CELF2: variants seen among roughly 807,000 people sequenced by gnomAD.
CELF2 encodes CUG triplet repeat RNA-binding protein 2.
A neutral mutation model predicts 62.6 loss-of-function variants in CELF2; 8 were observed. The ratio of observed to expected loss-of-function variants is 0.13; its 90% CI spans 0.07 to 0.23. The LOEUF (loss-of-function observed/expected upper bound fraction) is 0.23, where lower values mean the gene tolerates loss of function less well. Ranked by LOEUF, CELF2 falls within the 10% of genes least tolerant of loss-of-function variation. The pLI is 1.00. For missense variants in CELF2, 333 were observed against 671.0 expected, an observed-to-expected ratio of 0.50 and a Z score of 5.56; for synonymous variants, 258 against 250.0, an observed-to-expected ratio of 1.03 and a Z score of -0.30.
chr10:11,035,889 A>G (rs931645095), intron 1 of CELF2, among the ~76,000 whole-genome samples: 20 of 152,236 alleles, frequency 1.3e-4, no homozygotes, highest in African/African-American at 4.8e-4. Context: ...TATTGCCTGC[A>G]TTAATATACC....
chr10:10,686,060 T>C, the CELF2 span, among the ~76,000 whole-genome samples: 2 of 152,114 alleles, frequency 1.3e-5, no homozygotes, highest in Non-Finnish European at 2.9e-5. Flanking sequence ...TGCTGCTTAA[T>C]GTGACAGGAC....
At chr10:10,553,681 A>T in the CELF2 span, among the ~76,000 whole-genome samples, 6 of 152,152 alleles carry the variant, frequency 3.9e-5, no homozygotes, top group South Asian at 2.1e-4. Flanking sequence ...TGCAGAAGTG[A>T]TGACTGAGCC....
At chr10:10,521,107 A>G in the CELF2 span, among the ~76,000 whole-genome samples, 1 of 152,364 alleles carries the variant, frequency 6.6e-6, no homozygotes, top group East Asian at 1.9e-4. Flanking sequence ...AGGAAACAGA[A>G]GGTGGCTCGA....
chr10:10,753,299 C>CTGTGTG, the CELF2 span, among the ~76,000 whole-genome samples: 4,787 of 149,846 alleles, frequency 0.032, 183 homozygotes, highest in African/African-American at 0.094. Flanking sequence ...TTCCAAAGCT[C>CTGTGTG]TGTGTGTGTG....
chr10:10,780,514 C>T, the CELF2 span, among the ~76,000 whole-genome samples: 1 of 152,098 alleles, frequency 6.6e-6, no homozygotes, highest in Non-Finnish European at 1.5e-5. Flanking sequence ...TGGAGTCTCG[C>T]TCTGTTGCCT....
chr10:10,952,388 G>A lies in CELF2; in HGVS notation c.89+32389G>A, dbSNP rs554983741. Among the ~76,000 whole-genome samples the A allele has an allele frequency of 1.8e-3, 279 of 152,282 alleles. 11 individuals are homozygous for A. Among genetic ancestry groups the A allele is most frequent in the South Asian group, 8.3e-4 (4 of 4,832 alleles). ...AACCCCAAAGATAGGAGCTACAGTC[G>A]TGCATGGCTTCAGGGCTGGAGCCTC... On this transcript the variant is annotated intron_variant, in intron 2 of 13. Transcript: ENST00000636488.
chr10:10,636,065 A>G, the CELF2 span, among the ~76,000 whole-genome samples: 13 of 152,232 alleles, frequency 8.5e-5, no homozygotes, highest in East Asian at 3.8e-4. Flanking sequence ...AATATATCAA[A>G]TAACTTAAGG....
chr10:10,896,388 G>A (rs2062557431), intron 1 of CELF2, among the ~76,000 whole-genome samples: 1 of 152,146 alleles, frequency 6.6e-6, no homozygotes, highest in Admixed American at 6.5e-5. Context: ...GATAAAAAAA[G>A]ATACACCATG....
chr10:10,657,284 T>C, the CELF2 span, among the ~76,000 whole-genome samples: 2 of 152,222 alleles, frequency 1.3e-5, no homozygotes, highest in African/African-American at 4.8e-5. Context: ...AGAGTAATTG[T>C]TGCTGGGTGC....
chr10:11,283,961 T>TGGTAAGTGGATGATGGATGGAGG (rs2090051948), intron 8 of CELF2, among the ~76,000 whole-genome samples: 2 of 136,266 alleles, frequency 1.5e-5, no homozygotes, highest in African/African-American at 2.9e-5. Flanking sequence ...GATGAGTGTG[T>TGGTAAGTGGATGATGGATGGAGG]GGTGGGTGGA....
rs2074103480 is a variant in CELF2, at chr10:11,242,129, G to A, written c.355-7024G>A. Among the ~76,000 whole-genome samples, 1 of 152,150 alleles carries A rather than the reference G, an allele frequency of 6.6e-6. No homozygotes were observed. Among genetic ancestry groups the A allele is most frequent in the Non-Finnish European group, 1.5e-5 (1 of 68,034 alleles). On this transcript the variant is annotated intron_variant, in intron 3 of 12. Transcript: ENST00000633077. This position sits in a 1 kb window ranked among gnomAD's most constrained non-coding sequence, Gnocchi z 4.8. The stretch of plus-strand genomic sequence containing the variant: ...TCTACTTTTAAATATTTTATGGGCA[G>A]TAAGCTCACAATATGTGCTAGCACG...
chr10:11,280,147 A>G lies in CELF2; in HGVS notation c.841+5027A>G, dbSNP rs1299315051. Among the ~76,000 whole-genome samples, 8 of 152,118 alleles carry G rather than the reference A, an allele frequency of 5.3e-5. No homozygotes were observed. Among genetic ancestry groups the G allele is most frequent in the Admixed American group, 1.3e-4 (2 of 15,278 alleles). The stretch of plus-strand genomic sequence containing the variant: ...CCTGGGAGAGGGGCTGAGATGGGGA[A>G]AGGACGGGGCACCCACATACCTCAG... On this transcript the variant is annotated intron_variant, in intron 8 of 12. Coordinates refer to ENST00000633077, the MANE Select transcript of CELF2 (RefSeq NM_001326342.2). This position sits in a 1 kb window ranked among gnomAD's most constrained non-coding sequence, Gnocchi z 7.6.
intron 1 of CELF2, among the ~76,000 whole-genome samples, chr10:10,897,494 G>C (rs2062642890): frequency 6.6e-6 from 1 of 152,140 alleles, no homozygotes; most frequent in South Asian, 2.1e-4. Context: ...ATTAAACAAA[G>C]AAGGATGAGT....
the CELF2 span, among the ~76,000 whole-genome samples, chr10:10,543,854 C>A: frequency 6.6e-6 from 1 of 152,176 alleles, no homozygotes; most frequent in Non-Finnish European, 1.5e-5. Flanking sequence ...TACCATCTTG[C>A]ATTGACTCTG....
chr10:11,219,909 A>C (rs968216814), intron 3 of CELF2, among the ~76,000 whole-genome samples: 4 of 152,262 alleles, frequency 2.6e-5, no homozygotes, highest in Non-Finnish European at 5.9e-5. Flanking sequence ...GGCACAACTT[A>C]ATTTAACAGA....
intron 2 of CELF2, among the ~76,000 whole-genome samples, chr10:10,941,985 C>T (rs1442838029): frequency 1.5e-4 from 14 of 91,576 alleles, no homozygotes; most frequent in African/African-American, 8.1e-4. Context: ...CAGTGAGACT[C>T]TGTCTCAAAA....
In CELF2 at chr10:11,321,341, C is replaced by G; in HGVS notation, c.1249C>G (p.Gln417Glu). The change falls in exon 11 of 13, where the codon CAG becomes GAG. Residue 417 changes from glutamine (Q) to glutamate (E), a missense_variant. Physicochemically the swap from Gln to Glu is conservative, Grantham distance 29 (BLOSUM62 2). Around this residue, in one of 3 missense-constraint regions of CELF2, gnomAD observed 253 missense variants for 503.0 expected, o/e 0.50. Transcript: ENST00000633077. The surrounding 1 kb of genome is among the most constrained non-coding windows in gnomAD (Gnocchi z 6.2). ...AAAALPTLYSQSLLQQQSAAG... is the reference protein window; with the variant it reads ...AAAALPTLYSESLLQQQSAAG... The stretch of plus-strand genomic sequence containing the variant: ...CGCCGCGCTGCCCACTCTGTACAGC[C>G]AGAGCCTGCTGCAGCAGCAGAGCGC... 6.2e-7 allele frequency: 1 copy of G among 1,611,346 alleles called. No homozygotes were observed. Among genetic ancestry groups the G allele is most frequent in the Non-Finnish European group, 8.5e-7 (1 of 1,180,002 alleles).
intron 2 of CELF2, among the ~76,000 whole-genome samples, chr10:11,175,573 T>C (rs1265974652): frequency 6.6e-6 from 1 of 152,194 alleles, no homozygotes; most frequent in African/African-American, 2.4e-5. Flanking sequence ...ACTTAGAGCA[T>C]GTTACAAAAG....
chr10:10,635,140 A>G, the CELF2 span, among the ~76,000 whole-genome samples: 1 of 152,198 alleles, frequency 6.6e-6, no homozygotes. Flanking sequence ...GGGCAGGGAC[A>G]GATAATTCTA....
Sources: gnomAD v4.1 joint callset for allele counts (sites outside exome capture counted in the v4.1 genomes callset) on GRCh38, gnomAD v4.1.1 for gene constraint, gnomAD v4.1.1 regional missense constraint, Gnocchi (gnomAD v3.1) non-coding constraint, MANE v1.5 for transcripts, NCBI Gene and HGNC (gene_info 2026-07-23, HGNC 2026-07-21) for gene names.